Variants in HMGCLL1 observed in about 807,000 individuals in gnomAD.
HMGCLL1 encodes the protein 3-hydroxymethyl-3-methylglutaryl-CoA lyase, cytoplasmic.
A neutral mutation model predicts 39.1 loss-of-function variants in HMGCLL1; 36 were observed. The ratio of observed to expected loss-of-function variants is 0.92; its 90% CI spans 0.71 to 1.22. HMGCLL1 has a LOEUF of 1.22. HMGCLL1 is among the 50% of genes most tolerant of loss of function. HMGCLL1 has a pLI of 0.00. For synonymous variants in HMGCLL1, 149 were observed against 144.0 expected (o/e 1.03, Z -0.25); for missense variants, 451 against 416.5 (o/e 1.08, Z -0.72).
the HMGCLL1 span, among the ~76,000 whole-genome samples, chr6:55,593,632 C>A: frequency 6.6e-6 from 1 of 151,980 alleles, no homozygotes; most frequent in Non-Finnish European, 1.5e-5. Context: ...GTGTAATAAC[C>A]AAGTTTTATA....
chr6:55,661,123 T>A, the HMGCLL1 span, among the ~76,000 whole-genome samples: 1 of 152,056 alleles, frequency 6.6e-6, no homozygotes, highest in Non-Finnish European at 1.5e-5. Context: ...TAAACCTTAG[T>A]CAGATGCATA....
chr6:55,524,072 A>G (rs888499961), intron 3 of HMGCLL1, among the ~76,000 whole-genome samples: 3 of 151,964 alleles, frequency 2.0e-5, no homozygotes, highest in African/African-American at 4.8e-5. Flanking sequence ...AAATTTACAT[A>G]TATCAAAGTA....
intron 7 of HMGCLL1, among the ~76,000 whole-genome samples, chr6:55,453,513 A>T (rs1225140087): frequency 6.6e-6 from 1 of 152,162 alleles, no homozygotes; most frequent in Non-Finnish European, 1.5e-5. Flanking sequence ...ATATGGATGG[A>T]GCATAGCTCC....
the HMGCLL1 span, among the ~76,000 whole-genome samples, chr6:55,678,318 G>A: frequency 6.6e-6 from 1 of 151,968 alleles, no homozygotes; most frequent in South Asian, 2.1e-4. Flanking sequence ...CTAAGGGCAG[G>A]GAAAGATCAT....
chr6:55,495,317 C>T (rs1766513743), intron 7 of HMGCLL1, 102 bp downstream of exon 7: 2 of 921,158 alleles, frequency 2.2e-6, no homozygotes, highest in South Asian at 1.9e-5. Context: ...AGATTCATAA[C>T]ATTTTATGAA....
At chr6:55,605,756 G>T in the HMGCLL1 span, among the ~76,000 whole-genome samples, 61,929 of 151,902 alleles carry the variant, frequency 0.41, 14,195 homozygotes, top group Middle Eastern at 0.61. Context: ...TGAGTAACCA[G>T]TATTACCACT....
intron 7 of HMGCLL1, among the ~76,000 whole-genome samples, chr6:55,492,100 T>C (rs1766341803): frequency 6.6e-6 from 1 of 152,118 alleles, no homozygotes; most frequent in South Asian, 2.1e-4. Context: ...TAATATTAAC[T>C]TCCAGTCTGA....
chr6:55,553,248 C>CATGTGTGTGTGT (rs147650397), intron 1 of HMGCLL1, among the ~76,000 whole-genome samples: 1 of 143,636 alleles, frequency 7.0e-6, no homozygotes, highest in Non-Finnish European at 1.5e-5. Context: ...TACATATATA[C>CATGTGTGTGTGT]GTGTGTGTGT....
At chr6:55,540,227 G>A (rs1769345373) in intron 3 of HMGCLL1, among the ~76,000 whole-genome samples, 1 of 152,072 alleles carries the variant, frequency 6.6e-6, no homozygotes, top group Non-Finnish European at 1.5e-5. Flanking sequence ...ATGTATCAAT[G>A]GGACTGAAAA....
the HMGCLL1 span, among the ~76,000 whole-genome samples, chr6:55,588,498 G>A: frequency 6.6e-6 from 1 of 152,058 alleles, no homozygotes; most frequent in African/African-American, 2.4e-5. Context: ...AAGAGAACTA[G>A]AGAAGCAAGA....
intron 7 of HMGCLL1, among the ~76,000 whole-genome samples, chr6:55,449,603 A>G (rs1166022572): frequency 1.3e-5 from 2 of 152,194 alleles, no homozygotes; most frequent in East Asian, 3.9e-4. Flanking sequence ...AAAATCTGCC[A>G]CTTTGCTGGC....
At chr6:55,522,652 C>A (rs893849891) in intron 3 of HMGCLL1, among the ~76,000 whole-genome samples, 1 of 151,958 alleles carries the variant, frequency 6.6e-6, no homozygotes, top group Non-Finnish European at 1.5e-5. Context: ...TCTCTAAATT[C>A]CAGAGCTGCA....
At chr6:55,468,755 T>C (rs181310568) in intron 7 of HMGCLL1, among the ~76,000 whole-genome samples, 1 of 152,094 alleles carries the variant, frequency 6.6e-6, no homozygotes, top group African/African-American at 2.4e-5. Context: ...CATAGACATT[T>C]AGATTTTAGA....
At chr6:55,550,529 G>A (rs115587141) in intron 1 of HMGCLL1, among the ~76,000 whole-genome samples, 1,928 of 151,894 alleles carry the variant, frequency 0.013, 56 homozygotes, top group African/African-American at 0.044. Flanking sequence ...TGGCAATAAC[G>A]TCCCGCAAAC....
At chr6:55,455,024 T>C (rs1764263626) in intron 7 of HMGCLL1, among the ~76,000 whole-genome samples, 1 of 151,998 alleles carries the variant, frequency 6.6e-6, no homozygotes, top group Non-Finnish European at 1.5e-5. Flanking sequence ...AGAAGATCAC[T>C]TGAGCCTAGG....
rs564345977 is a variant in HMGCLL1 at position 55,510,251 on chromosome 6, A to T, written c.542+3797T>A. On this transcript the variant is annotated intron_variant, in intron 5 of 8. Coordinates refer to ENST00000274901, the MANE Select transcript of HMGCLL1 (RefSeq NM_001042406.2). ...ATCTTATAGGAGAAGTATAAGATGT[A>T]ATTATGTAAAGAAACTTTCATGATT... 3.9e-5 allele frequency among the ~76,000 whole-genome samples: 6 copies of T among 152,054 alleles called. 1 individual carries two copies. In the South Asian group the frequency reaches 1.2e-3, roughly 32 times the overall value.
chr6:55,505,078 G>T (rs1767083409), intron 5 of HMGCLL1, among the ~76,000 whole-genome samples: 1 of 151,594 alleles, frequency 6.6e-6, no homozygotes, highest in African/African-American at 2.4e-5. Context: ...TGTGCTTGTT[G>T]AGGTCATTTT....
chr6:55,669,115 TAAA>T, the HMGCLL1 span, among the ~76,000 whole-genome samples: 6 of 142,606 alleles, frequency 4.2e-5, no homozygotes, highest in South Asian at 2.2e-4. Context: ...AAGGAGGAAT[TAAA>T]AAAAAAAAAA....
the HMGCLL1 span, among the ~76,000 whole-genome samples, chr6:55,626,615 G>A: frequency 2.6e-5 from 4 of 151,970 alleles, no homozygotes; most frequent in Non-Finnish European, 5.9e-5. Flanking sequence ...AAGTAGAAGT[G>A]GCACCACTCA....
Sources: gnomAD v4.1 joint callset for allele counts (sites outside exome capture counted in the v4.1 genomes callset) on GRCh38, gnomAD v4.1.1 for gene constraint, MANE v1.5 for transcripts, NCBI Gene and HGNC (gene_info 2026-07-23, HGNC 2026-07-21) for gene names.